The following RYR2 variants were observed in gnomAD, a reference collection of about 807,000 sequenced individuals.
The protein encoded by RYR2 is cardiac muscle ryanodine receptor-calcium release channel.
RYR2 carries 227 observed loss-of-function variants against 601.1 expected under a neutral mutation model. That is an observed-to-expected ratio of 0.38 (90% CI 0.34 to 0.42). RYR2 has a LOEUF of 0.42. Among genes scored for constraint, RYR2 ranks in the 10% least tolerant of loss-of-function variants. RYR2 has a pLI of 1.00. For synonymous variants in RYR2, 2,223 were observed against 2,175.1 expected (o/e 1.02, Z -0.61); for missense variants, 4,646 against 6,156.5 (o/e 0.75, Z 8.21).
intron 20 of RYR2, among the ~76,000 whole-genome samples, chr1:237,498,800 G>A (rs1222292978): frequency 6.6e-6 from 1 of 152,188 alleles, no homozygotes; most frequent in Non-Finnish European, 1.5e-5. Flanking sequence ...TAGTGAATCT[G>A]TGGACATGTA....
chr1:237,173,883 C>G (rs573851429), intron 1 of RYR2, among the ~76,000 whole-genome samples: 2 of 152,012 alleles, frequency 1.3e-5, no homozygotes, highest in Non-Finnish European at 2.9e-5. Flanking sequence ...GGTGAAGCCC[C>G]GTCTCTACTA....
intron 1 of RYR2, among the ~76,000 whole-genome samples, chr1:237,191,450 T>G (rs1272846621): frequency 6.6e-6 from 1 of 151,548 alleles, no homozygotes; most frequent in Non-Finnish European, 1.5e-5. Flanking sequence ...ACAAAGAATA[T>G]CATTGAAATT....
At chr1:237,232,838 C>A (rs960228959) in intron 1 of RYR2, among the ~76,000 whole-genome samples, 8 of 151,980 alleles carry the variant, frequency 5.3e-5, no homozygotes, top group Non-Finnish European at 1.2e-4. Context: ...GAAACCCTCA[C>A]ATATTTGGTC....
intron 66 of RYR2, among the ~76,000 whole-genome samples, chr1:237,704,502 G>A (rs1197660840): frequency 6.6e-6 from 1 of 151,504 alleles, no homozygotes; most frequent in Non-Finnish European, 1.5e-5. Flanking sequence ...ATATCATATA[G>A]CCTGAATTGT....
chr1:237,595,451 T>C (rs768233267), intron 33 of RYR2, 47 bp from the exon 34 acceptor site: 43 of 1,592,830 alleles, frequency 2.7e-5, no homozygotes, highest in Non-Finnish European at 3.5e-5. Flanking sequence ...CTGCTTTCTC[T>C]TTTATCTGTG....
rs754976419 is a variant in RYR2 at position 237,708,991 on chromosome 1, G to A, written c.10035G>A (p.Arg3345=). The A allele has an allele frequency of 3.0e-5, 48 of 1,613,696 alleles. No individual in the cohort carries two copies. The highest frequency in any genetic ancestry group is 2.2e-4 in the East Asian group (10 of 44,878). The change falls in exon 69 of 105, where the codon AGG becomes AGA. Residue 3345 remains arginine (R), a synonymous_variant. Coordinates refer to ENST00000366574, the MANE Select transcript of RYR2 (RefSeq NM_001035.3). ...AAGACCACCTGAAAGCTGAGGCCAGGGGGGACATGTCGGAGGCAGAACTCC... is the reference window on the plus strand; with the variant it reads ...AAGACCACCTGAAAGCTGAGGCCAGAGGGGACATGTCGGAGGCAGAACTCC... ...SEEDHLKAEA[R]GDMSEAELLI...
At chr1:237,196,677 A>G (rs1182541771) in intron 1 of RYR2, among the ~76,000 whole-genome samples, 2 of 152,162 alleles carry the variant, frequency 1.3e-5, no homozygotes, top group Non-Finnish European at 2.9e-5. Flanking sequence ...TTTAATAACT[A>G]TGGCTTTACA....
intron 29 of RYR2, among the ~76,000 whole-genome samples, chr1:237,574,939 T>A (rs985657740): frequency 3.3e-5 from 5 of 152,150 alleles, no homozygotes; most frequent in African/African-American, 1.2e-4. Flanking sequence ...AAGAAATGAG[T>A]ATTGCTTTAA....
intron 1 of RYR2, among the ~76,000 whole-genome samples, chr1:237,131,826 T>G (rs1672204329): frequency 6.6e-6 from 1 of 152,046 alleles, no homozygotes; most frequent in South Asian, 2.1e-4. Flanking sequence ...GTTCAAGTGA[T>G]CCTCCCACCT....
intron 27 of RYR2, among the ~76,000 whole-genome samples, chr1:237,565,607 G>C (rs1409515773): frequency 6.6e-6 from 1 of 152,192 alleles, no homozygotes; most frequent in Non-Finnish European, 1.5e-5. Flanking sequence ...AAAGTAGGAA[G>C]AAGAGGGGCT....
chr1:237,671,510 T>C (rs1386346460), intron 58 of RYR2, among the ~76,000 whole-genome samples: 3 of 150,974 alleles, frequency 2.0e-5, no homozygotes, highest in East Asian at 1.9e-4. Flanking sequence ...TGGGTGTGTG[T>C]GTGTGTGTGC....
intron 1 of RYR2, among the ~76,000 whole-genome samples, chr1:237,193,760 C>T (rs927068040): frequency 6.6e-6 from 1 of 152,100 alleles, no homozygotes; most frequent in African/African-American, 2.4e-5. Context: ...ACTGATGATC[C>T]TCACAAAGAA....
At chr1:237,545,983 CA>C (rs941379651) in intron 25 of RYR2, among the ~76,000 whole-genome samples, 5 of 150,010 alleles carry the variant, frequency 3.3e-5, no homozygotes, top group African/African-American at 1.2e-4. Context: ...AATTTAAATA[CA>C]TAAATATATC....
intron 80 of RYR2, among the ~76,000 whole-genome samples, chr1:237,744,867 G>A (rs1691940544): frequency 6.7e-6 from 1 of 148,962 alleles, no homozygotes; most frequent in Admixed American, 6.7e-5. Flanking sequence ...CAGGATCTCA[G>A]CTCACTGCAA....
chr1:237,448,999 T>C (rs1474325608), intron 14 of RYR2, among the ~76,000 whole-genome samples: 1 of 152,276 alleles, frequency 6.6e-6, no homozygotes, highest in South Asian at 2.1e-4. Context: ...CTTAAGTCTG[T>C]CTTCTTCCTA....
intron 27 of RYR2, 66 bp from the exon 28 acceptor site, chr1:237,566,501 T>G (rs529733757): frequency 1.3e-5 from 19 of 1,453,706 alleles, no homozygotes; most frequent in Middle Eastern, 2.0e-4. Context: ...CTTTTATTTA[T>G]GATATCTTTC....
chr1:237,359,870 C>T (rs564148748), intron 4 of RYR2, among the ~76,000 whole-genome samples: 1 of 152,274 alleles, frequency 6.6e-6, no homozygotes, highest in South Asian at 2.1e-4. Context: ...CTTTTCTAAC[C>T]TATACCATTG....
intron 8 of RYR2, among the ~76,000 whole-genome samples, chr1:237,381,319 T>G (rs968855231): frequency 7.3e-6 from 1 of 136,778 alleles, no homozygotes; most frequent in Non-Finnish European, 1.6e-5. Context: ...GAAGAAGAGA[T>G]AGTTGGGAAA....
intron 25 of RYR2, among the ~76,000 whole-genome samples, chr1:237,534,026 C>T (rs760763893): frequency 2.6e-5 from 4 of 151,932 alleles, no homozygotes; most frequent in South Asian, 2.1e-4. Context: ...TCTCCATGTG[C>T]GTAACAGAAA....
Sources: allele counts gnomAD v4.1 joint callset (sites outside exome capture counted in the v4.1 genomes callset), GRCh38; gene constraint gnomAD v4.1.1; transcripts MANE v1.5; gene names NCBI Gene and HGNC (gene_info 2026-07-23, HGNC 2026-07-21).